LONP1: variants seen among roughly 807,000 people sequenced by gnomAD.
The protein encoded by LONP1 is lon protease homolog, mitochondrial.
Under a neutral mutation model 98.5 loss-of-function variants are expected in LONP1, and 31 were observed. The ratio of observed to expected loss-of-function variants is 0.31; its 90% CI spans 0.24 to 0.42. The LOEUF is 0.42. LONP1 is among the 20% of genes least tolerant of loss of function. LONP1 has a pLI of 1.00. For missense variants in LONP1, 1,336 were observed against 1,350.6 expected, an observed-to-expected ratio of 0.99 and a Z score of 0.17; for synonymous variants, 781 against 594.7, an observed-to-expected ratio of 1.31 and a Z score of -4.56.
chr19:5,704,507 G>A (rs933203549), intron 8 of LONP1, among the ~76,000 whole-genome samples: 9 of 152,170 alleles, frequency 5.9e-5, no homozygotes, highest in Non-Finnish European at 1.3e-4. Flanking sequence ...AGAAACTCAT[G>A]CCTTCCCTCT....
chr19:5,697,319 T>C (rs1212165209), intron 10 of LONP1, among the ~76,000 whole-genome samples: 9 of 151,532 alleles, frequency 5.9e-5, no homozygotes, highest in African/African-American at 2.2e-4. Context: ...ACACTTTAAG[T>C]GTGCAGGGGG....
intron 7 of LONP1, among the ~76,000 whole-genome samples, chr19:5,706,566 C>G (rs972974640): frequency 8.6e-5 from 13 of 152,022 alleles, no homozygotes; most frequent in South Asian, 2.1e-4. Context: ...GAGATTGCGC[C>G]ATTGCACTCC....
At chr19:5,696,446 C>A in intron 11 of LONP1, 75 bp from the exon 12 acceptor site, 1 of 1,562,446 alleles carries the variant, frequency 6.4e-7, no homozygotes, top group South Asian at 1.2e-5. Flanking sequence ...ACCCCAGGGT[C>A]AGGGCTGGGG....
In LONP1 at chr19:5,693,380, C is replaced by G. The variant is rs759340786; in HGVS notation, c.2621G>C (p.Arg874Pro). 7 of 1,613,304 alleles carry G rather than the reference C, an allele frequency of 4.3e-6. No homozygotes were observed. The highest frequency in any genetic ancestry group is 5.9e-6 in the Non-Finnish European group (7 of 1,179,840). Residue 874 changes from arginine (R) to proline (P), a missense_variant, in exon 17 of 18, where the codon CGG becomes CCG. This residue lies in a region of LONP1 where 555 missense variants were observed against 542.6 expected (regional missense o/e 1.02). Coordinates refer to ENST00000360614, the MANE Select transcript of LONP1 (RefSeq NM_004793.4). Reference sequence around the variant, plus strand: ...TTCGCCAGTCATGGCCAGATTCTGCCGGACAGGCCTGCCCATGGCCAGGGA... The same window carrying G: ...TTCGCCAGTCATGGCCAGATTCTGCGGGACAGGCCTGCCCATGGCCAGGGA... ...LLSLAMGRPVRQNLAMTGEVS... is the reference protein window; with the variant it reads ...LLSLAMGRPVPQNLAMTGEVS...
chr19:5,707,266 C>T (rs889200056), intron 6 of LONP1, 123 bp from the exon 7 acceptor site: 2 of 755,118 alleles, frequency 2.6e-6, no homozygotes, highest in Non-Finnish European at 4.5e-6. Flanking sequence ...ATGCTGTACC[C>T]AGCACAGAGG....
intron 13 of LONP1, among the ~76,000 whole-genome samples, 181 bp downstream of exon 13, chr19:5,695,873 G>GCGCCAC (rs1422374686): frequency 6.6e-6 from 1 of 152,172 alleles, no homozygotes; most frequent in Non-Finnish European, 1.5e-5. Context: ...GCGCCCACTC[G>GCGCCAC]CGCCACCTGC....
Position 5,711,815 on chromosome 19 carries a change from C to T in LONP1, c.826G>A (p.Glu276Lys). The change falls in exon 4 of 18, where the codon GAG (glutamate) becomes AAG (lysine). Residue 276 changes from glutamate to lysine, a missense_variant. Glu to Lys is a moderately conservative substitution (Grantham distance 56). This residue lies in a region of LONP1 where 457 missense variants were observed against 403.1 expected (regional missense o/e 1.13). Coordinates refer to ENST00000360614, the MANE Select transcript of LONP1 (RefSeq NM_004793.4). ...TGGAAGTCCTCGTGGACAACGTTCT[C>T]TACCTCCACCATGAGCACCTCAGCC... ...LPAEVLMVEV[E>K]NVVHEDFQVT... is the part of the protein sequence containing the mutation. The T allele has an allele frequency of 6.2e-7, 1 of 1,612,648 alleles. No individual in the cohort carries two copies. The highest frequency in any genetic ancestry group is 8.5e-7 in the Non-Finnish European group (1 of 1,179,800).
At chr19:5,702,543 G>A (rs1164206947) in intron 8 of LONP1, among the ~76,000 whole-genome samples, 1 of 152,142 alleles carries the variant, frequency 6.6e-6, no homozygotes, top group Non-Finnish European at 1.5e-5. Context: ...ACAGCTCATT[G>A]AGAACGGGCC....
At chr19:5,696,862 C>G in intron 10 of LONP1, 105 bp from the exon 11 acceptor site, 2 of 710,620 alleles carry the variant, frequency 2.8e-6, no homozygotes, top group Admixed American at 2.6e-5. Context: ...TGGAGCCCCA[C>G]AAGATGTGGC....
intron 4 of LONP1, 107 bp from the exon 5 acceptor site, chr19:5,708,510 C>T: frequency 8.5e-6 from 4 of 469,054 alleles, no homozygotes; most frequent in Admixed American, 3.5e-5. Context: ...CCATCAACTC[C>T]CTCCCCTCCG....
chr19:5,703,270 T>C lies in LONP1; in HGVS notation c.1368-2343A>G, dbSNP rs190560054. 1.5e-3 allele frequency among the ~76,000 whole-genome samples: 234 copies of C among 151,372 alleles called. 1 individual carries two copies. The highest frequency in any genetic ancestry group is 5.5e-3 in the African/African-American group (225 of 41,192). On this transcript the variant is annotated intron_variant, in intron 8 of 17. Transcript: ENST00000360614. ...AGATGGCCGGAGGTCCACTGCTGAC[T>C]CATCAGGAGAGCCAAGACGGCACTG...
Position 5,696,117 on chromosome 19 carries a change from T to C in LONP1, c.1950A>G (p.Arg650=), listed in dbSNP as rs1040426182. ...ACACGTTGATCATCTCCATACGGTC[T>C]CGCAGCGGCTCGGGGATGGTGTCCG... is the stretch of plus-strand genomic sequence containing the variant. ...NVTDTIPEPL[R]DRMEMINVSG... Residue 650 remains arginine, a synonymous_variant, in exon 13 of 18, where the codon CGA becomes CGG. Coordinates refer to ENST00000360614, the MANE Select transcript of LONP1 (RefSeq NM_004793.4). 1.2e-6 allele frequency: 2 copies of C among 1,613,000 alleles called. No homozygotes were observed. Among genetic ancestry groups the C allele is most frequent in the African/African-American group, 2.7e-5 (2 of 74,908 alleles).
chr19:5,701,636 A>C (rs559849225), intron 8 of LONP1, among the ~76,000 whole-genome samples: 2 of 152,228 alleles, frequency 1.3e-5, no homozygotes, highest in South Asian at 4.2e-4. Flanking sequence ...CTCAGTGCTC[A>C]ATGGTGCCCA....
chr19:5,713,860 G>T (rs1568327514), intron 2 of LONP1, among the ~76,000 whole-genome samples: 2 of 152,188 alleles, frequency 1.3e-5, no homozygotes. Context: ...CCCACGCCCG[G>T]CCCATGGAAC....
Position 5,705,813 on chromosome 19 carries a change from C to T in LONP1, c.1326G>A (p.Leu442=). Residue 442 remains leucine (L), a synonymous_variant, in exon 8 of 18, where the codon CTG becomes CTA. Transcript: ENST00000360614. Reference sequence around the variant, plus strand: ...GGTTGTCCAGCAGGCCCAGCTTGCTCAGCTCCTCGTCCACAACATCCATGA... The same window carrying T: ...GGTTGTCCAGCAGGCCCAGCTTGCTTAGCTCCTCGTCCACAACATCCATGA... The part of the protein sequence containing the change: ...KHVMDVVDEE[L]SKLGLLDNHS... The T allele has an allele frequency of 6.2e-7, 1 of 1,614,118 alleles. No homozygotes were observed. The highest frequency in any genetic ancestry group is 8.5e-7 in the Non-Finnish European group (1 of 1,180,040).
intron 13 of LONP1, among the ~76,000 whole-genome samples, chr19:5,695,178 A>G (rs1388560222): frequency 6.6e-6 from 1 of 151,968 alleles, no homozygotes; most frequent in Non-Finnish European, 1.5e-5. Flanking sequence ...TGGTTGCCCC[A>G]TGGGCTGGCC....
intron 10 of LONP1, among the ~76,000 whole-genome samples, chr19:5,698,597 C>G (rs1407195294): frequency 6.6e-6 from 1 of 152,178 alleles, no homozygotes; most frequent in African/African-American, 2.4e-5. Flanking sequence ...CACTGGAGAC[C>G]GTCTCTCCTG....
In LONP1 at chr19:5,712,135, A is replaced by C. The variant is rs922450012; in HGVS notation, c.639-133T>G. 5 of 689,180 alleles carry C rather than the reference A, an allele frequency of 7.3e-6. No individual in the cohort carries two copies. The Admixed American group carries it at 1.5e-4, about 20-fold the overall frequency. 42.7% of individuals were successfully genotyped at this position (689,180 alleles called of 1,614,324 possible). On this transcript the variant is annotated intron_variant, in intron 3 of 17. Transcript: ENST00000360614. ...ACCTCTGGAGCCACAGGGTGGCTAC[A>C]GGGTCCTCAAGCTGGAGACGTGAGC...
At chr19:5,699,750 A>G (rs7248549) in intron 9 of LONP1, among the ~76,000 whole-genome samples, 11,819 of 151,002 alleles carry the variant, frequency 0.078, 1,123 homozygotes, top group African/African-American at 0.22. Flanking sequence ...AGTAGAGGCG[A>G]GGTTTCACCA....
Sources: allele counts gnomAD v4.1 joint callset (sites outside exome capture counted in the v4.1 genomes callset), GRCh38; gene constraint gnomAD v4.1.1; regional missense constraint gnomAD v4.1.1; transcripts MANE v1.5; gene names NCBI Gene and HGNC (gene_info 2026-07-23, HGNC 2026-07-21).